YEATS4: variants seen among roughly 807,000 people sequenced by gnomAD.
The protein encoded by YEATS4 is YEATS domain-containing protein 4.
In YEATS4, 17 loss-of-function variants were observed where a neutral mutation model predicts 30.1. The ratio of observed to expected loss-of-function variants is 0.56; its 90% CI spans 0.39 to 0.85. The LOEUF is 0.85. Among genes scored for constraint, YEATS4 ranks in the 40% least tolerant of loss-of-function variants. The probability of loss-of-function intolerance (pLI) is 0.00; values close to 1 mark genes in which losing one functional copy is unlikely to be tolerated. For synonymous variants in YEATS4, 85 were observed against 87.5 expected (o/e 0.97, Z 0.16); for missense variants, 142 against 268.3 (o/e 0.53, Z 3.29).
intron 6 of YEATS4, among the ~76,000 whole-genome samples, chr12:69,374,701 G>A (rs992183978): frequency 1.3e-5 from 2 of 151,012 alleles, no homozygotes; most frequent in Admixed American, 6.6e-5. Flanking sequence ...TTGGGGGTAA[G>A]GTTATGGATT....
At chr12:69,399,840 A>G in the YEATS4 span, among the ~76,000 whole-genome samples, 1 of 152,248 alleles carries the variant, frequency 6.6e-6, no homozygotes, top group African/African-American at 2.4e-5. Context: ...TGCAGAATGA[A>G]TCTTATAAAC....
the YEATS4 span, among the ~76,000 whole-genome samples, chr12:69,396,567 G>A: frequency 1.3e-5 from 2 of 152,088 alleles, no homozygotes; most frequent in Non-Finnish European, 2.9e-5. Context: ...GTTAAATCAT[G>A]TTCTCATGAT....
intron 6 of YEATS4, 75 bp from the exon 7 acceptor site, chr12:69,390,072 G>T: frequency 8.5e-7 from 1 of 1,178,358 alleles, no homozygotes; most frequent in Non-Finnish European, 1.2e-6. Context: ...GTCAGGAAAT[G>T]CCATATTTAT....
At chr12:69,412,383 G>A in the YEATS4 span, among the ~76,000 whole-genome samples, 1 of 152,124 alleles carries the variant, frequency 6.6e-6, no homozygotes, top group Non-Finnish European at 1.5e-5. Context: ...CGGGCGCGGT[G>A]GCTCACACCT....
chr12:69,411,000 T>C, the YEATS4 span, among the ~76,000 whole-genome samples: 1 of 152,258 alleles, frequency 6.6e-6, no homozygotes, highest in Non-Finnish European at 1.5e-5. Flanking sequence ...ATTGCCCCTA[T>C]TAAACCATAG....
At chr12:69,417,486 T>C in the YEATS4 span, among the ~76,000 whole-genome samples, 1 of 152,072 alleles carries the variant, frequency 6.6e-6, no homozygotes, top group African/African-American at 2.4e-5. Context: ...ATCAAGATCT[T>C]GGGTGATTAC....
At chr12:69,380,100 T>C (rs867760332) in intron 6 of YEATS4, among the ~76,000 whole-genome samples, 5 of 152,232 alleles carry the variant, frequency 3.3e-5, no homozygotes, top group African/African-American at 9.6e-5. Flanking sequence ...ACTGATGCCT[T>C]ATTTAGCTCG....
chr12:69,365,453 G>GAA (rs201603040), intron 2 of YEATS4, among the ~76,000 whole-genome samples, 180 bp from the exon 3 acceptor site: 29 of 105,754 alleles, frequency 2.7e-4, no homozygotes, highest in African/African-American at 7.0e-4. Flanking sequence ...TCCATCTCAG[G>GAA]AAAAAAAAAA....
chr12:69,406,301 G>C, the YEATS4 span, among the ~76,000 whole-genome samples: 1 of 152,164 alleles, frequency 6.6e-6, no homozygotes, highest in Admixed American at 6.6e-5. Flanking sequence ...TCTCACTGAT[G>C]AAAGTATTAC....
the YEATS4 span, among the ~76,000 whole-genome samples, chr12:69,417,339 T>C: frequency 6.6e-6 from 1 of 151,398 alleles, no homozygotes; most frequent in Non-Finnish European, 1.5e-5. Context: ...TTTTGATGTT[T>C]TGTTGAGAGA....
At chr12:69,425,772 T>C in the YEATS4 span, among the ~76,000 whole-genome samples, 13 of 152,166 alleles carry the variant, frequency 8.5e-5, no homozygotes, top group Non-Finnish European at 1.6e-4. Context: ...CCTCACTCCT[T>C]GGTGGACCAC....
the YEATS4 span, among the ~76,000 whole-genome samples, chr12:69,403,200 C>T: frequency 2.0e-5 from 3 of 152,126 alleles, no homozygotes; most frequent in Admixed American, 1.3e-4. Context: ...TTGTGATTTG[C>T]TCTGTGAATT....
At chr12:69,373,186 CTA>C (rs1875711614) in intron 6 of YEATS4, among the ~76,000 whole-genome samples, 1 of 152,112 alleles carries the variant, frequency 6.6e-6, no homozygotes, top group African/African-American at 2.4e-5. Context: ...TCATATAGCT[CTA>C]TTTTTTGTTT....
the YEATS4 span, among the ~76,000 whole-genome samples, chr12:69,403,603 G>A: frequency 6.6e-6 from 1 of 151,514 alleles, no homozygotes; most frequent in African/African-American, 2.4e-5. Context: ...AAAAAAAGAG[G>A]GGGCAGAATT....
chr12:69,366,954 A>T (rs1875459162), intron 4 of YEATS4, among the ~76,000 whole-genome samples: 1 of 152,182 alleles, frequency 6.6e-6, no homozygotes, highest in African/African-American at 2.4e-5. Flanking sequence ...AGTCTGATTC[A>T]GTAGGTTTGG....
the YEATS4 span, among the ~76,000 whole-genome samples, chr12:69,414,943 A>G: frequency 2.6e-5 from 4 of 152,228 alleles, no homozygotes; most frequent in Non-Finnish European, 4.4e-5. Context: ...TTGGCAAGAA[A>G]GAAAGTCTCC....
At chr12:69,406,842 T>A in the YEATS4 span, among the ~76,000 whole-genome samples, 1 of 152,072 alleles carries the variant, frequency 6.6e-6, no homozygotes, top group Non-Finnish European at 1.5e-5. Flanking sequence ...TGAGACAGGG[T>A]CTTGCTCTGT....
chr12:69,417,066 T>G, the YEATS4 span, among the ~76,000 whole-genome samples: 1 of 149,804 alleles, frequency 6.7e-6, no homozygotes, highest in Non-Finnish European at 1.5e-5. Context: ...AGAGCAAAAC[T>G]CTGTCCCAAA....
At chr12:69,364,817 C>A (rs570974476) in intron 2 of YEATS4, among the ~76,000 whole-genome samples, 3 of 151,800 alleles carry the variant, frequency 2.0e-5, no homozygotes, top group African/African-American at 7.2e-5. Flanking sequence ...ATGGAGTTTC[C>A]CCATGTTGGC....
Sources: allele counts gnomAD v4.1 joint callset (sites outside exome capture counted in the v4.1 genomes callset), GRCh38; gene constraint gnomAD v4.1.1; transcripts MANE v1.5; gene names NCBI Gene and HGNC (gene_info 2026-07-23, HGNC 2026-07-21).